The following RYR2 variants were observed in gnomAD, a reference collection of about 807,000 sequenced individuals.
RYR2 encodes the protein cardiac muscle ryanodine receptor-calcium release channel.
RYR2 carries 227 observed loss-of-function variants against 601.1 expected under a neutral mutation model. The ratio of observed to expected loss-of-function variants is 0.38; its 90% CI spans 0.34 to 0.42. The LOEUF is 0.42. Ranked by LOEUF, RYR2 falls within the 10% of genes least tolerant of loss-of-function variation. The pLI is 1.00. For missense variants in RYR2, 4,646 were observed against 6,156.5 expected (o/e 0.75, Z 8.21); for synonymous variants, 2,223 against 2,175.1 (o/e 1.02, Z -0.61).
chr1:237,434,227 T>C (rs1338843293), intron 12 of RYR2, among the ~76,000 whole-genome samples: 1 of 152,220 alleles, frequency 6.6e-6, no homozygotes, highest in African/African-American at 2.4e-5. Flanking sequence ...TAAAATTCCA[T>C]GTTGCTAGTT....
chr1:237,547,953 A>G (rs1296662762), intron 25 of RYR2, among the ~76,000 whole-genome samples: 1 of 152,228 alleles, frequency 6.6e-6, no homozygotes, highest in Non-Finnish European at 1.5e-5. Context: ...TAAGTTACAA[A>G]TGCATTTAAA....
chr1:237,204,181 T>G (rs1681519296), intron 1 of RYR2, among the ~76,000 whole-genome samples: 1 of 151,912 alleles, frequency 6.6e-6, no homozygotes, highest in African/African-American at 2.4e-5. Flanking sequence ...TGGCTAATTT[T>G]GTATTTTTTG....
chr1:237,595,559 C>T lies in RYR2; in HGVS notation c.4498C>T (p.Arg1500Cys), dbSNP rs778394498. The change falls in exon 34 of 105, where the codon CGC becomes TGC. Residue 1500 changes from arginine to cysteine, a missense_variant. Transcript: ENST00000366574. ...TGAGAGCATGAGCCCCGGGCAAGGA[C>T]GCAACAATAATGGACTGGAGATTGG... ...AGESMSPGQG[R>C]NNNGLEIGCV... The T allele has an allele frequency of 3.7e-6, 6 of 1,613,442 alleles. No individual in the cohort carries two copies. Among genetic ancestry groups the T allele is most frequent in the Middle Eastern group, 1.6e-4 (1 of 6,078 alleles).
At chr1:237,637,895 C>T (rs1033276509) in intron 44 of RYR2, among the ~76,000 whole-genome samples, 2 of 151,858 alleles carry the variant, frequency 1.3e-5, no homozygotes, top group African/African-American at 2.4e-5. Flanking sequence ...CAAGGAATTG[C>T]GGGTGGATTT....
intron 1 of RYR2, among the ~76,000 whole-genome samples, chr1:237,152,754 T>A (rs891143717): frequency 6.6e-6 from 1 of 152,136 alleles, no homozygotes; most frequent in African/African-American, 2.4e-5. Context: ...TGGACAAAGA[T>A]TTTATGATGA....
chr1:237,824,264 T>C (rs893780233), intron 101 of RYR2, among the ~76,000 whole-genome samples: 2 of 152,208 alleles, frequency 1.3e-5, no homozygotes, highest in Admixed American at 6.5e-5. Context: ...TGAACATCGA[T>C]GCGAAAATCC....
At chr1:237,344,496 C>T (rs1377798605) in intron 3 of RYR2, among the ~76,000 whole-genome samples, 5 of 152,310 alleles carry the variant, frequency 3.3e-5, no homozygotes, top group African/African-American at 9.6e-5. Context: ...TCTTACTACA[C>T]TAATTCCTCA....
chr1:237,094,887 G>A (rs541194056), intron 1 of RYR2, among the ~76,000 whole-genome samples: 2 of 152,212 alleles, frequency 1.3e-5, no homozygotes, highest in South Asian at 2.1e-4. Flanking sequence ...CACCGCACCC[G>A]GCCTTGTCTT....
At chr1:237,343,846 G>A (rs1336119513) in intron 3 of RYR2, among the ~76,000 whole-genome samples, 1 of 147,334 alleles carries the variant, frequency 6.8e-6, no homozygotes, top group Non-Finnish European at 1.5e-5. Flanking sequence ...TTGAGACAGA[G>A]TTTACTTCTC....
chr1:237,264,680 ATTTT>A (rs1336885899), intron 1 of RYR2, among the ~76,000 whole-genome samples: 42 of 149,206 alleles, frequency 2.8e-4, no homozygotes, highest in African/African-American at 9.4e-4. Flanking sequence ...GACTCAGTTT[ATTTT>A]TTATTATTAT....
chr1:237,107,576 T>A (rs1668878106), intron 1 of RYR2, among the ~76,000 whole-genome samples: 1 of 151,434 alleles, frequency 6.6e-6, no homozygotes, highest in South Asian at 2.1e-4. Flanking sequence ...AGCTTTAGTT[T>A]TACCAAGTTG....
At chr1:237,741,897 C>T (rs937619929) in intron 79 of RYR2, among the ~76,000 whole-genome samples, 12 of 151,966 alleles carry the variant, frequency 7.9e-5, no homozygotes, top group South Asian at 4.1e-4. Flanking sequence ...CCACCTCGCC[C>T]GGTCTAATTT....
intron 3 of RYR2, among the ~76,000 whole-genome samples, chr1:237,342,531 G>C (rs1183697605): frequency 6.6e-6 from 1 of 152,074 alleles, no homozygotes; most frequent in Non-Finnish European, 1.5e-5. Context: ...CCTGAAGTGT[G>C]AGAGAAGGGC....
At chr1:237,793,792 T>G (rs2149387738) in intron 94 of RYR2, 75 bp from the exon 95 acceptor site, 1 of 1,186,960 alleles carries the variant, frequency 8.4e-7, no homozygotes, top group East Asian at 2.5e-5. Context: ...CCAAAAGCTG[T>G]TTTGTAAAGA....
intron 23 of RYR2, among the ~76,000 whole-genome samples, 177 bp downstream of exon 23, chr1:237,506,991 G>A (rs942365783): frequency 6.6e-6 from 1 of 152,128 alleles, no homozygotes; most frequent in African/African-American, 2.4e-5. Flanking sequence ...AGTTAATGGG[G>A]CTGACAGGCA....
intron 1 of RYR2, among the ~76,000 whole-genome samples, chr1:237,216,864 T>G (rs560340916): frequency 6.6e-6 from 1 of 152,242 alleles, no homozygotes; most frequent in East Asian, 1.9e-4. Flanking sequence ...AGTTAGGGTC[T>G]GAGTAGCACA....
intron 1 of RYR2, among the ~76,000 whole-genome samples, chr1:237,266,236 A>G (rs1689044211): frequency 6.6e-6 from 1 of 152,148 alleles, no homozygotes; most frequent in South Asian, 2.1e-4. Context: ...ACATACTTTA[A>G]TTAATATCTT....
chr1:237,327,503 C>A (rs1696281322), intron 2 of RYR2, among the ~76,000 whole-genome samples: 1 of 152,138 alleles, frequency 6.6e-6, no homozygotes, highest in Admixed American at 6.5e-5. Context: ...AATTTAAATA[C>A]ACCCAGAATA....
At chr1:237,457,496 T>C (rs919815590) in intron 16 of RYR2, among the ~76,000 whole-genome samples, 1 of 152,164 alleles carries the variant, frequency 6.6e-6, no homozygotes, top group African/African-American at 2.4e-5. Context: ...GACAGTTTAG[T>C]AGTCAAAGAA....
Sources: gnomAD v4.1 joint callset for allele counts (sites outside exome capture counted in the v4.1 genomes callset) on GRCh38, gnomAD v4.1.1 for gene constraint, MANE v1.5 for transcripts, NCBI Gene and HGNC (gene_info 2026-07-23, HGNC 2026-07-21) for gene names.